Variants in SULT1A1 observed in about 807,000 individuals in gnomAD.
SULT1A1 encodes the protein sulfotransferase family 1A member 1.
SULT1A1 carries 35 observed loss-of-function variants against 36.8 expected under a neutral mutation model. The observed-to-expected ratio is 0.95, with a 90% CI of 0.73 to 1.26. The LOEUF is 1.26. Among genes scored for constraint, SULT1A1 ranks in the 50% most tolerant of loss-of-function variants. SULT1A1 has a pLI of 0.00. For missense variants in SULT1A1, 309 were observed against 383.0 expected, an observed-to-expected ratio of 0.81 and a Z score of 1.61; for synonymous variants, 119 against 146.0, an observed-to-expected ratio of 0.82 and a Z score of 1.33.
At position 28,605,290 on chromosome 16, in the gene SULT1A1, C is replaced by T. The variant is rs1382735625; in HGVS notation, c.*531G>A. The T allele has an allele frequency of 2.4e-5, 4 of 170,060 alleles. No homozygotes were observed. Among genetic ancestry groups the T allele is most frequent in the African/African-American group, 4.8e-5 (2 of 41,462 alleles). 10.5% of individuals were successfully genotyped at this position (170,060 alleles called of 1,614,324 possible). A position where few individuals can be genotyped will look rare whatever the true frequency, so the allele number is the denominator to read the frequency against. On this transcript the variant is annotated 3_prime_UTR_variant, in exon 8 of 8. Coordinates refer to ENST00000314752, the MANE Select transcript of SULT1A1 (RefSeq NM_001055.4). ...TAAGTAAATTGTATTTTATTTATTT[C>T]TCAAGCAAGATTTGCTCTGTCCCTC...
intron 2 of SULT1A1, among the ~76,000 whole-genome samples, chr16:28,615,564 C>T (rs1340148819): frequency 6.6e-6 from 1 of 151,194 alleles, no homozygotes; most frequent in Non-Finnish European, 1.5e-5. Context: ...CCTTGTTAGT[C>T]AAGGAGAAAA....
chr16:28,621,274 G>C (rs560779648), intron 1 of SULT1A1, among the ~76,000 whole-genome samples: 1 of 151,928 alleles, frequency 6.6e-6, no homozygotes, highest in South Asian at 2.1e-4. Flanking sequence ...TTGAGTTCAG[G>C]AGTTCGAGAC....
At chr16:28,615,198 GA>G (rs1340764089) in intron 2 of SULT1A1, among the ~76,000 whole-genome samples, 1 of 110,424 alleles carries the variant, frequency 9.1e-6, no homozygotes, top group East Asian at 2.0e-4. Flanking sequence ...CACAGCAGGA[GA>G]AAAACTCCAC....
At position 28,606,361 on chromosome 16, in the gene SULT1A1, C is replaced by G; in HGVS notation, c.595-125G>C. 7.9e-6 allele frequency: 12 copies of G among 1,522,862 alleles called. 2 individuals are homozygous for G. The highest frequency in any genetic ancestry group is 1.8e-4 in the Middle Eastern group (1 of 5,614). The allele number at this position is 1,522,862 out of a possible 1,614,324, so 94.3% of individuals were successfully genotyped here. A position where few individuals can be genotyped will look rare whatever the true frequency, so the allele number is the denominator to read the frequency against. On this transcript the variant is annotated intron_variant, in intron 6 of 7. Coordinates refer to ENST00000314752, the MANE Select transcript of SULT1A1 (RefSeq NM_001055.4). ...TCCTAGAAACCCTGCAGAGCCAACTCCTCAACCCCCAGGGCCCCAGTCCCG... is the reference window on the plus strand; with the variant it reads ...TCCTAGAAACCCTGCAGAGCCAACTGCTCAACCCCCAGGGCCCCAGTCCCG...
rs1018818145 is a variant in SULT1A1, at chr16:28,606,321, C to T, written c.595-85G>A. On this transcript the variant is annotated intron_variant, in intron 6 of 7. Transcript: ENST00000314752. ...GGGTCCCCTTCTCTAACCTCAGAGG[C>T]GATCTGGCCACTTCTCCTAGAAACC... The T allele has an allele frequency of 2.1e-5, 33 of 1,596,710 alleles. 1 individual carries two copies. The highest frequency in any genetic ancestry group is 6.7e-5 in the South Asian group (6 of 89,846).
chr16:28,606,030 A>G lies in SULT1A1; in HGVS notation c.775+26T>C, dbSNP rs752182841. On this transcript the variant is annotated intron_variant, in intron 7 of 7. Transcript: ENST00000314752. ...TGCAGCTGCTGCTCCCACCCGCCCC[A>G]AACCCCCGTGCTGGCCAGCACCCAC... The G allele has an allele frequency of 9.7e-6, 13 of 1,337,188 alleles. No homozygotes were observed. In the South Asian group the frequency reaches 1.3e-4, roughly 14 times the overall value. The allele number at this position is 1,337,188 out of a possible 1,614,324, so 82.8% of individuals were successfully genotyped here.
intron 2 of SULT1A1, chr16:28,620,011 GTA>G: frequency 5.7e-6 from 8 of 1,394,724 alleles, no homozygotes; most frequent in Admixed American, 1.7e-5. Flanking sequence ...GTGTGTGTGT[GTA>G]TATACACACA....
At chr16:28,619,993 T>TTGTGTTATTGTGTG in intron 2 of SULT1A1, 1 of 1,119,776 alleles carries the variant, frequency 8.9e-7, no homozygotes, top group Non-Finnish European at 1.3e-6. Flanking sequence ...GTATTGTATA[T>TTGTGTTATTGTGTG]TGTGTGTGTG....
chr16:28,620,563 C>CAAAA (rs5816469), intron 1 of SULT1A1, among the ~76,000 whole-genome samples: 1 of 90,818 alleles, frequency 1.1e-5, no homozygotes, highest in Non-Finnish European at 2.2e-5. Flanking sequence ...GACCCTGTCT[C>CAAAA]AAAAAAAAAA....
At chr16:28,606,672 C>A (rs41278158) in intron 6 of SULT1A1, 89 bp downstream of exon 6, 571,885 of 1,543,668 alleles carry the variant, frequency 0.37, 105,366 homozygotes, top group Admixed American at 0.46. Flanking sequence ...GGGGGCTGCC[C>A]AGGGAGGGGG....
intron 6 of SULT1A1, among the ~76,000 whole-genome samples, chr16:28,606,458 G>A (rs1331004005): frequency 4.6e-5 from 7 of 151,968 alleles, no homozygotes; most frequent in South Asian, 2.1e-4. Flanking sequence ...GGTGAGGACC[G>A]TGATGGTCTT....
chr16:28,621,782 C>G (rs1222510875), intron 1 of SULT1A1, among the ~76,000 whole-genome samples: 1 of 152,056 alleles, frequency 6.6e-6, no homozygotes, highest in African/African-American at 2.4e-5. Context: ...CCCCAGTTAC[C>G]CACCCCATCC....
At chr16:28,610,264 GTTTTTTTTTTTTTTTT>G, upstream of SULT1A1, 2 of 346,646 alleles carry the variant, frequency 5.8e-6, no homozygotes, top group Non-Finnish European at 8.7e-6. Flanking sequence ...TTTTTTTTCT[GTTTTTTTTTTTTTTTT>G]TTTTTTTTTT....
intron 1 of SULT1A1, among the ~76,000 whole-genome samples, chr16:28,621,162 T>C (rs1232020585): frequency 6.7e-6 from 1 of 150,270 alleles, no homozygotes; most frequent in East Asian, 2.0e-4. Context: ...ATTTCACTAG[T>C]TGTTTCCTCA....
chr16:28,609,062 T>C, intron 1 of SULT1A1: 1 of 1,466,558 alleles, frequency 6.8e-7, no homozygotes, highest in Non-Finnish European at 9.1e-7. Context: ...GCCTCACCTT[T>C]CATTCACCTG....
intron 1 of SULT1A1, among the ~76,000 whole-genome samples, chr16:28,620,495 T>G (rs557626652): frequency 7.1e-6 from 1 of 140,968 alleles, no homozygotes; most frequent in South Asian, 2.2e-4. Flanking sequence ...GCCTGGGAGG[T>G]GGAGGCTACA....
At chr16:28,610,970 G>C (rs2047430207), upstream of SULT1A1, 1 of 139,320 alleles carries the variant, frequency 7.2e-6, no homozygotes, top group East Asian at 1.9e-4. Flanking sequence ...GTGGGAGTGT[G>C]GGGGAAGCTG....
rs764387552 is a variant in SULT1A1, at chr16:28,608,476, A to G, written c.274+2T>C. The G allele has an allele frequency of 4.6e-5, 74 of 1,612,216 alleles. 1 individual carries two copies. In the East Asian group the frequency reaches 1.6e-3, roughly 35 times the overall value. ...CCTTGCACCCAGGACACACTCACACACCTGAGGGAATCCCTGGGGCTTTGA... is the reference window on the plus strand; with the variant it reads ...CCTTGCACCCAGGACACACTCACACGCCTGAGGGAATCCCTGGGGCTTTGA... On this transcript the variant is annotated splice_donor_variant, in intron 3 of 7. Coordinates refer to ENST00000314752, the MANE Select transcript of SULT1A1 (RefSeq NM_001055.4). LOFTEE classifies it high-confidence loss of function.
At chr16:28,619,936 T>A (rs1249602114) in intron 2 of SULT1A1, 1 of 706,194 alleles carries the variant, frequency 1.4e-6, no homozygotes, top group Non-Finnish European at 2.3e-6. Flanking sequence ...TATATACATA[T>A]ACACATATAT....
Sources: allele counts gnomAD v4.1 joint callset (sites outside exome capture counted in the v4.1 genomes callset), GRCh38; gene constraint gnomAD v4.1.1; transcripts MANE v1.5; gene names NCBI Gene and HGNC (gene_info 2026-07-23, HGNC 2026-07-21).